TPO: variants seen among roughly 807,000 people sequenced by gnomAD.
TPO encodes thyroid microsomal antigen.
A neutral mutation model predicts 96.9 loss-of-function variants in TPO; 78 were observed. The ratio of observed to expected loss-of-function variants is 0.81; its 90% CI spans 0.67 to 0.97. The LOEUF is 0.97. Among genes scored for constraint, TPO ranks in the 50% least tolerant of loss-of-function variants. The probability of loss-of-function intolerance (pLI) is 0.00; values close to 1 mark genes in which losing one functional copy is unlikely to be tolerated. For synonymous variants in TPO, 547 were observed against 538.0 expected (o/e 1.02, Z -0.23); for missense variants, 1,252 against 1,274.8 (o/e 0.98, Z 0.27).
rs1558442828 is a variant in TPO, at chr2:1,537,849, GTGTGCAATCTCAAATCCCCCCCAC to G, written c.2619-2740_2619-2717del. 1.4e-4 allele frequency among the ~76,000 whole-genome samples: 4 copies of G among 27,738 alleles called. No individual in the cohort carries two copies. In the Admixed American group the frequency reaches 1.9e-3, roughly 13 times the overall value. 18.2% of individuals were successfully genotyped at this position (27,738 alleles called of 152,430 possible). On this transcript the variant is annotated intron_variant, in intron 15 of 16. Coordinates refer to ENST00000329066, the MANE Select transcript of TPO (RefSeq NM_001206744.2). ...AGCAACCTCCTCAAATCCCCCCACTGTGTGCAATCTCAAATCCCCCCCACTGTGTGCAACCTCCTCAAATCCCCA... is the reference window on the plus strand; with the variant it reads ...AGCAACCTCCTCAAATCCCCCCACTGTGTGTGCAACCTCCTCAAATCCCCA...
At chr2:1,432,017 C>T (rs955005656) in intron 3 of TPO, among the ~76,000 whole-genome samples, 2 of 152,258 alleles carry the variant, frequency 1.3e-5, no homozygotes, top group Admixed American at 1.3e-4. Context: ...CCTGTCCACT[C>T]ACACACCTGC....
intron 16 of TPO, 193 bp downstream of exon 16, chr2:1,540,916 T>TGA: frequency 1.3e-6 from 2 of 1,539,616 alleles, no homozygotes; most frequent in Non-Finnish European, 8.8e-7. Flanking sequence ...GCCTGCTTAG[T>TGA]GAGAGGAATG....
At chr2:1,410,920 C>A (rs1437726657), upstream of TPO, among the ~76,000 whole-genome samples, 2 of 152,228 alleles carry the variant, frequency 1.3e-5, no homozygotes, top group Admixed American at 1.3e-4. Context: ...TCTCTCTGCT[C>A]TCCATTGCTG....
chr2:1,501,299 G>A (rs1356528193), intron 13 of TPO, among the ~76,000 whole-genome samples: 1 of 152,222 alleles, frequency 6.6e-6, no homozygotes, highest in Non-Finnish European at 1.5e-5. Flanking sequence ...TCAAGGCGAA[G>A]CAGTCGGAGA....
At chr2:1,387,141 A>G (rs1237579389) in intron 1 of TPO, among the ~76,000 whole-genome samples, 1 of 152,142 alleles carries the variant, frequency 6.6e-6, no homozygotes, top group African/African-American at 2.4e-5. Context: ...GGCTGCCCTT[A>G]ACATTTTTTC....
intron 3 of TPO, among the ~76,000 whole-genome samples, chr2:1,428,548 C>A (rs146748884): frequency 9.2e-5 from 14 of 152,278 alleles, no homozygotes; most frequent in African/African-American, 3.4e-4. Flanking sequence ...TTCCCAGACC[C>A]CTGCTTTCCT....
intron 7 of TPO, among the ~76,000 whole-genome samples, chr2:1,476,260 C>T (rs1379717248): frequency 6.6e-6 from 1 of 152,172 alleles, no homozygotes; most frequent in African/African-American, 2.4e-5. Context: ...AGCGATTTAA[C>T]CTCCTAAATC....
At chr2:1,502,736 T>A (rs1203175224) in intron 13 of TPO, among the ~76,000 whole-genome samples, 1 of 152,228 alleles carries the variant, frequency 6.6e-6, no homozygotes, top group Non-Finnish European at 1.5e-5. Flanking sequence ...ATGGCATTAT[T>A]AAAGACCGTA....
In TPO at chr2:1,463,700, G is replaced by A. The variant is rs28910580; in HGVS notation, c.819+7418G>A. 9.1e-3 allele frequency among the ~76,000 whole-genome samples: 1,390 copies of A among 152,216 alleles called. 28 individuals are homozygous for A. The highest frequency in any genetic ancestry group is 0.031 in the African/African-American group (1,302 of 41,524). ...TTTCTTCATGACCTTGCTCCTTCTG[G>A]TCTCGGCTAAGTGGGGGTGCAGGCA... On this transcript the variant is annotated intron_variant, in intron 7 of 16. Coordinates refer to ENST00000329066, the MANE Select transcript of TPO (RefSeq NM_001206744.2).
At chr2:1,422,527 G>A (rs1418984660) in intron 2 of TPO, among the ~76,000 whole-genome samples, 2 of 152,226 alleles carry the variant, frequency 1.3e-5, no homozygotes, top group Admixed American at 1.3e-4. Context: ...TGTGAACATG[G>A]CCGGAAACAC....
chr2:1,531,107 TCC>T (rs1208608860), intron 15 of TPO, among the ~76,000 whole-genome samples: 1 of 24,084 alleles, frequency 4.2e-5, no homozygotes, highest in Non-Finnish European at 7.3e-5. Flanking sequence ...CCTCCCCAAA[TCC>T]CCCCACTGTG....
In TPO at chr2:1,445,642, C is replaced by T. The variant is rs1377083492; in HGVS notation, c.483-8052C>T. Among the ~76,000 whole-genome samples the T allele has an allele frequency of 4.4e-3, 547 of 124,508 alleles. 40 individuals carry two copies. The highest frequency in any genetic ancestry group is 9.2e-3 in the African/African-American group (271 of 29,560). The allele number at this position is 124,508 out of a possible 152,430, so 81.7% of individuals were successfully genotyped here. ...ATGTTGGAAGGGAATGGGGCAGGCTCCTTGTTTGTATGATCCAGTCATTGC... is the reference window on the plus strand; with the variant it reads ...ATGTTGGAAGGGAATGGGGCAGGCTTCTTGTTTGTATGATCCAGTCATTGC... On this transcript the variant is annotated intron_variant, in intron 5 of 16. Coordinates refer to ENST00000329066, the MANE Select transcript of TPO (RefSeq NM_001206744.2).
chr2:1,428,789 C>G (rs181157136), intron 3 of TPO, among the ~76,000 whole-genome samples: 1 of 152,136 alleles, frequency 6.6e-6, no homozygotes, highest in Non-Finnish European at 1.5e-5. Flanking sequence ...AAGGAAAGCA[C>G]GCGTTTTGGG....
chr2:1,489,274 G>A (rs909775496), intron 10 of TPO, among the ~76,000 whole-genome samples: 1 of 147,016 alleles, frequency 6.8e-6, no homozygotes, highest in African/African-American at 2.5e-5. Context: ...ACCCACACAT[G>A]CCCAGCACAC....
chr2:1,541,732 A>C (rs1680794190), intron 16 of TPO: 1 of 152,656 alleles, frequency 6.6e-6, no homozygotes, highest in African/African-American at 2.4e-5. Context: ...CACAATGTAA[A>C]GGTATCAAAA....
At chr2:1,428,694 C>A (rs75721873) in intron 3 of TPO, among the ~76,000 whole-genome samples, 8,362 of 152,238 alleles carry the variant, frequency 0.055, 338 homozygotes, top group South Asian at 0.13. Flanking sequence ...AAAAGGAGCA[C>A]CCTTGGCCTT....
chr2:1,430,152 CT>C (rs1664834490), intron 3 of TPO, among the ~76,000 whole-genome samples: 1 of 152,156 alleles, frequency 6.6e-6, no homozygotes, highest in African/African-American at 2.4e-5. Flanking sequence ...GAAAGAATGA[CT>C]TCAGAGTCTA....
chr2:1,384,711 C>T (rs371476071), intron 1 of TPO, among the ~76,000 whole-genome samples: 2,890 of 152,228 alleles, frequency 0.019, 68 homozygotes, highest in South Asian at 0.12. Context: ...ATTTCTTTCT[C>T]CTGCCTGATT....
chr2:1,469,815 T>C (rs1036754636), intron 7 of TPO, among the ~76,000 whole-genome samples: 6 of 152,178 alleles, frequency 3.9e-5, no homozygotes, highest in Non-Finnish European at 7.3e-5. Flanking sequence ...GTATTTGGGG[T>C]GTCTCCCGAG....
Sources: allele counts gnomAD v4.1 joint callset (sites outside exome capture counted in the v4.1 genomes callset), GRCh38; gene constraint gnomAD v4.1.1; transcripts MANE v1.5; gene names NCBI Gene and HGNC (gene_info 2026-07-23, HGNC 2026-07-21).